OLFM1: variants seen among roughly 807,000 people sequenced by gnomAD.
OLFM1 encodes the protein olfactomedin 1, also known as noelin.
OLFM1 carries 9 observed loss-of-function variants against 49.7 expected under a neutral mutation model. The observed-to-expected ratio is 0.18, with a 90% CI of 0.11 to 0.32. The LOEUF (loss-of-function observed/expected upper bound fraction) is 0.32, where lower values mean the gene tolerates loss of function less well. Among genes scored for constraint, OLFM1 ranks in the 10% least tolerant of loss-of-function variants. The pLI is 1.00. For missense variants in OLFM1, 369 were observed against 661.8 expected (o/e 0.56, Z 4.85); for synonymous variants, 240 against 271.8 (o/e 0.88, Z 1.15).
intron 4 of OLFM1, among the ~76,000 whole-genome samples, chr9:135,103,225 A>G (rs1830894671): frequency 6.6e-6 from 1 of 152,114 alleles, no homozygotes; most frequent in Non-Finnish European, 1.5e-5. Context: ...TTGTGTGTGC[A>G]TCCTGAGTGC....
intron 2 of OLFM1, among the ~76,000 whole-genome samples, chr9:135,091,043 A>G (rs1830678481): frequency 6.6e-6 from 1 of 152,232 alleles, no homozygotes; most frequent in Non-Finnish European, 1.5e-5. Flanking sequence ...CAGTTCAAGA[A>G]AAGGAAATTT....
chr9:135,087,283 A>G (rs1564268167), upstream of OLFM1: 10 of 1,490,186 alleles, frequency 6.7e-6, no homozygotes, highest in East Asian at 2.7e-5. Context: ...AAAGGGCTCC[A>G]GTAGGCAGGA....
chr9:135,092,334 C>T (rs964693698), intron 2 of OLFM1, among the ~76,000 whole-genome samples: 1 of 152,142 alleles, frequency 6.6e-6, no homozygotes, highest in Non-Finnish European at 1.5e-5. Context: ...GCCACAGGAC[C>T]CTTGTTTCTT....
intron 5 of OLFM1, among the ~76,000 whole-genome samples, chr9:135,118,936 T>G (rs529196437): frequency 7.0e-6 from 1 of 143,188 alleles, no homozygotes; most frequent in East Asian, 2.1e-4. Flanking sequence ...GCTCTCTGTG[T>G]CTTTGGAAGT....
rs374373319 is a variant in OLFM1 at position 135,098,779 on chromosome 9, T to TTGTGTG, written c.676+285_676+290dup. The stretch of plus-strand genomic sequence containing the variant: ...AAAAAATAGCATACCATCTGGCAGA[T>TTGTGTG]TGTGTGTGTGTGTGTGAATCGTATG... On this transcript the variant is annotated intron_variant, in intron 4 of 5. Coordinates refer to ENST00000371793, the MANE Select transcript of OLFM1 (RefSeq NM_001282611.2). The surrounding 1 kb of genome is among the most constrained non-coding windows in gnomAD (Gnocchi z 5.6). 2.6e-5 allele frequency among the ~76,000 whole-genome samples: 4 copies of TTGTGTG among 151,454 alleles called. No homozygotes were observed. The highest frequency in any genetic ancestry group is 4.9e-5 in the African/African-American group (2 of 41,218).
At chr9:135,077,327 C>T (rs1265097274) in intron 1 of OLFM1, 3 of 1,366,934 alleles carry the variant, frequency 2.2e-6, no homozygotes, top group East Asian at 2.6e-5. Context: ...ACCCAAGGGC[C>T]CTCCAAGCCT....
Position 135,120,622 on chromosome 9 carries a change from A to C in OLFM1, c.*444A>C, listed in dbSNP as rs1185590104. On this transcript the variant is annotated 3_prime_UTR_variant, in exon 6 of 6. Transcript: ENST00000371793. ...CCGGCCGTAGGCTAGTGTAACTCGC[A>C]TCCCATTGCAGTGCCGTTTCTTGAC... The C allele has an allele frequency of 5.2e-6, 1 of 191,672 alleles. No individual in the cohort carries two copies. The highest frequency in any genetic ancestry group is 2.4e-5 in the African/African-American group (1 of 42,066). The allele number at this position is 191,672 out of a possible 1,614,324, so 11.9% of individuals were successfully genotyped here.
In OLFM1 at chr9:135,119,533, C is replaced by T. The variant is rs773223527; in HGVS notation, c.813C>T (p.Asn271=). The T allele has an allele frequency of 3.7e-6, 6 of 1,610,982 alleles. No individual in the cohort carries two copies. Among genetic ancestry groups the T allele is most frequent in the Non-Finnish European group, 5.1e-6 (6 of 1,178,036 alleles). The part of the protein sequence containing the change: ...RVWYMDGYHN[N]RFVREYKSMV... The stretch of plus-strand genomic sequence containing the variant: ...GGTACATGGACGGCTATCACAACAA[C>T]CGCTTCGTACGTGAGTACAAGTCCA... The change falls in exon 6 of 6, where the codon AAC becomes AAT. Residue 271 remains asparagine, a synonymous_variant. Transcript: ENST00000371793.
chr9:135,087,370 G>A (rs749665903), upstream of OLFM1: 4 of 1,546,584 alleles, frequency 2.6e-6, no homozygotes, highest in South Asian at 3.6e-5. Flanking sequence ...GCCCCGGCGT[G>A]AGGATGGGAG....
chr9:135,106,756 G>A lies in OLFM1; in HGVS notation c.684G>A (p.Gly228=), dbSNP rs770230206. 5 of 1,613,348 alleles carry A rather than the reference G, an allele frequency of 3.1e-6. No individual in the cohort carries two copies. The South Asian group carries it at 5.5e-5, about 18-fold the overall frequency. Residue 228 remains glycine, a synonymous_variant, in exon 5 of 6, where the codon GGG becomes GGA. Transcript: ENST00000371793. ...LRACMQKLAC[G]KLTGISDPVT... Reference sequence around the variant, plus strand: ...CTGCGTGCTCTTTTCCAGCTTGCGGGAAGTTGACGGGCATCAGTGACCCCG... The same window carrying A: ...CTGCGTGCTCTTTTCCAGCTTGCGGAAAGTTGACGGGCATCAGTGACCCCG...
Position 135,119,626 on chromosome 9 carries a change from G to T in OLFM1, c.906G>T (p.Gly302=). The T allele has an allele frequency of 6.2e-7, 1 of 1,614,174 alleles. No homozygotes were observed. The highest frequency in any genetic ancestry group is 8.5e-7 in the Non-Finnish European group (1 of 1,180,042). Residue 302 remains glycine (G), a synonymous_variant, in exon 6 of 6, where the codon GGG becomes GGT. Coordinates refer to ENST00000371793, the MANE Select transcript of OLFM1 (RefSeq NM_001282611.2). The part of the protein sequence containing the change: ...HRLPHPWSGT[G]QVVYNGSIYF... ...TCCCCCACCCCTGGTCGGGCACGGG[G>T]CAGGTGGTCTACAACGGTTCTATCT... is the stretch of plus-strand genomic sequence containing the variant.
intron 2 of OLFM1, among the ~76,000 whole-genome samples, chr9:135,091,598 C>CACATAG (rs1564270561): frequency 1.4e-5 from 2 of 138,382 alleles, no homozygotes; most frequent in Admixed American, 7.4e-5. Flanking sequence ...CAGTCACACA[C>CACATAG]TCACACATAG....
Position 135,119,785 on chromosome 9 carries a change from C to T in OLFM1, c.1065C>T (p.Ile355=), listed in dbSNP as rs140240856. The T allele has an allele frequency of 2.6e-5, 42 of 1,614,000 alleles. 1 individual carries two copies. In the East Asian group the frequency reaches 3.8e-4, roughly 15 times the overall value. Residue 355 remains isoleucine (I), a synonymous_variant, in exon 6 of 6, where the codon ATC becomes ATT. Transcript: ENST00000371793. ...YHYAWGGHSD[I]DLMVDESGLW... Reference sequence around the variant, plus strand: ...ACGCCTGGGGTGGCCACTCGGACATCGACCTCATGGTGGACGAGAGCGGGC... The same window carrying T: ...ACGCCTGGGGTGGCCACTCGGACATTGACCTCATGGTGGACGAGAGCGGGC...
rs1400810041 is a variant in OLFM1 at position 135,098,242 on chromosome 9, T to G, written c.457-44T>G. 6.2e-7 allele frequency: 1 copy of G among 1,600,230 alleles called. No individual in the cohort carries two copies. The highest frequency in any genetic ancestry group is 8.6e-7 in the Non-Finnish European group (1 of 1,169,568). On this transcript the variant is annotated intron_variant, in intron 3 of 5. Coordinates refer to ENST00000371793, the MANE Select transcript of OLFM1 (RefSeq NM_001282611.2). This position sits in a 1 kb window ranked among gnomAD's most constrained non-coding sequence, Gnocchi z 5.6. ...GCCAGGCCAAGGCAGGGTGTGAGAG[T>G]TCTTGCATGCATCGCACTGAACCAG...
rs138372395 is a variant in OLFM1, at chr9:135,114,123, C to CTTTTTTTTTTTT, written c.784-5365_784-5354dup. On this transcript the variant is annotated intron_variant, in intron 5 of 5. Coordinates refer to ENST00000371793, the MANE Select transcript of OLFM1 (RefSeq NM_001282611.2). ...TCCAGGACCAGCTCATCTTGAGATTCTTTTTTTTTTTTTTTTTTTTTTTTT... is the reference window on the plus strand; with the variant it reads ...TCCAGGACCAGCTCATCTTGAGATTCTTTTTTTTTTTTTTTTTTTTTTTTTTTTTTTTTTTTT... Among the ~76,000 whole-genome samples the CTTTTTTTTTTTT allele has an allele frequency of 7.9e-5, 6 of 75,850 alleles. 1 individual carries two copies. Among genetic ancestry groups the CTTTTTTTTTTTT allele is most frequent in the African/African-American group, 1.0e-4 (2 of 19,628 alleles). 49.8% of individuals were successfully genotyped at this position (75,850 alleles called of 152,430 possible).
chr9:135,097,533 G>T (rs567184691), intron 3 of OLFM1, among the ~76,000 whole-genome samples: 1 of 152,302 alleles, frequency 6.6e-6, no homozygotes, highest in East Asian at 1.9e-4. Flanking sequence ...CAATTTTGGG[G>T]TGCTGTGGCT....
At chr9:135,097,029 T>G (rs1202527769) in intron 3 of OLFM1, among the ~76,000 whole-genome samples, 1 of 152,208 alleles carries the variant, frequency 6.6e-6, no homozygotes, top group Non-Finnish European at 1.5e-5. Context: ...GCATTTTAAT[T>G]AGAAATCCAG....
At chr9:135,104,958 C>T (rs1830920820) in intron 4 of OLFM1, among the ~76,000 whole-genome samples, 1 of 152,182 alleles carries the variant, frequency 6.6e-6, no homozygotes, top group Admixed American at 6.5e-5. Flanking sequence ...CATCTTCTTA[C>T]TTCTCGTCCC....
chr9:135,119,156 C>G (rs1564282732), intron 5 of OLFM1, among the ~76,000 whole-genome samples: 1 of 151,102 alleles, frequency 6.6e-6, no homozygotes, highest in Non-Finnish European at 1.5e-5. Context: ...GGAGTGCTCA[C>G]CGAGTCTTTG....
Sources: allele counts gnomAD v4.1 joint callset (sites outside exome capture counted in the v4.1 genomes callset), GRCh38; gene constraint gnomAD v4.1.1; non-coding constraint Gnocchi (gnomAD v3.1); transcripts MANE v1.5; gene names NCBI Gene and HGNC (gene_info 2026-07-23, HGNC 2026-07-21).